ERMAP: variants seen among roughly 807,000 people sequenced by gnomAD.
The protein encoded by ERMAP is erythroblast membrane associated protein (Scianna blood group).
Under a neutral mutation model 49.5 loss-of-function variants are expected in ERMAP, and 34 were observed. The observed-to-expected ratio is 0.69, with a 90% CI of 0.52 to 0.91. The LOEUF is 0.91. ERMAP is among the 40% of genes least tolerant of loss of function. The probability of loss-of-function intolerance (pLI) is 0.00; values close to 1 mark genes in which losing one functional copy is unlikely to be tolerated. For missense variants in ERMAP, 541 were observed against 582.6 expected, an observed-to-expected ratio of 0.93 and a Z score of 0.74; for synonymous variants, 214 against 232.2, an observed-to-expected ratio of 0.92 and a Z score of 0.71.
Position 42,843,171 on chromosome 1 carries a change from T to A in ERMAP, c.1367T>A (p.Ile456Asn). The change falls in exon 12 of 12, where the codon ATC becomes AAC. Residue 456 changes from isoleucine to asparagine, a missense_variant. Ile to Asn is a moderately radical substitution (Grantham distance 149, BLOSUM62 -3). Coordinates refer to ENST00000372517, the MANE Select transcript of ERMAP (RefSeq NM_001017922.2). ...PPKAPELKDIILSLPPDLGPA... is the reference protein window; with the variant it reads ...PPKAPELKDINLSLPPDLGPA... ...AAGGCCCCAGAGCTGAAGGATATAA[T>A]CCTGTCCTTGCCCCCTGACCTTGGC... The A allele has an allele frequency of 6.2e-7, 1 of 1,613,458 alleles. No individual in the cohort carries two copies. The highest frequency in any genetic ancestry group is 8.5e-7 in the Non-Finnish European group (1 of 1,179,742).
rs182275112 is a variant in ERMAP at position 42,832,341 on chromosome 1, G to A, written c.433+1226G>A. 2.5e-3 allele frequency among the ~76,000 whole-genome samples: 375 copies of A among 150,126 alleles called. 2 individuals are homozygous for A. Among genetic ancestry groups the A allele is most frequent in the African/African-American group, 8.7e-3 (356 of 40,766 alleles). On this transcript the variant is annotated intron_variant, in intron 4 of 11. Coordinates refer to ENST00000372517, the MANE Select transcript of ERMAP (RefSeq NM_001017922.2). ...GAGTTAGCTGGGATTACTGGTGCCCGCCACCATGGCCAACTAATTTTTTTT... is the reference window on the plus strand; with the variant it reads ...GAGTTAGCTGGGATTACTGGTGCCCACCACCATGGCCAACTAATTTTTTTT...
chr1:42,823,738 T>C (rs536807553), intron 1 of ERMAP, among the ~76,000 whole-genome samples: 1 of 152,318 alleles, frequency 6.6e-6, no homozygotes, highest in African/African-American at 2.4e-5. Flanking sequence ...TTATGCATCC[T>C]TCCCATTTTG....
chr1:42,830,502 C>T lies in ERMAP; in HGVS notation c.54C>T (p.Leu18=), dbSNP rs33950227. 378,237 of 1,613,398 alleles carry T rather than the reference C, an allele frequency of 0.23. 47,097 individuals are homozygous for T. The highest frequency in any genetic ancestry group is 0.26 in the Admixed American group (15,451 of 60,006). Residue 18 remains leucine (L), a synonymous_variant, in exon 3 of 12, where the codon CTC becomes CTT. Transcript: ENST00000372517. ...GSWLSGCLIP[L]VFLRLSVHVS... ...GGCTCTCTGGCTGCCTCATCCCTCT[C>T]GTCTTCCTCCGGCTGTCTGTGCATG...
chr1:42,830,442 A>C lies in ERMAP; in HGVS notation c.-5-2A>C. On this transcript the variant is annotated splice_acceptor_variant, in intron 2 of 11. Transcript: ENST00000372517. LOFTEE classifies it low-confidence loss of function (5UTR_SPLICE). ...TGTGCTGTCTCCCTCTGTCTGTCCTAGTTCGGATGGAGATGGCGAGTTCTG... is the reference window on the plus strand; with the variant it reads ...TGTGCTGTCTCCCTCTGTCTGTCCTCGTTCGGATGGAGATGGCGAGTTCTG... 6.2e-7 allele frequency: 1 copy of C among 1,613,800 alleles called. No homozygotes were observed. Among genetic ancestry groups the C allele is most frequent in the Non-Finnish European group, 8.5e-7 (1 of 1,179,782 alleles).
At position 42,835,035 on chromosome 1, in the gene ERMAP, C is replaced by G; in HGVS notation, c.434-3C>G. ...GGTCAGTCGTTGGTGGTTTCTGTTT[C>G]AGCCCCATCTGTGGGGAGTCTCTCC... On this transcript the variant is annotated splice_region_variant and splice_polypyrimidine_tract_variant and intron_variant, in intron 4 of 11. Coordinates refer to ENST00000372517, the MANE Select transcript of ERMAP (RefSeq NM_001017922.2). 4.0e-6 allele frequency: 5 copies of G among 1,244,628 alleles called. No individual in the cohort carries two copies. In the East Asian group the frequency reaches 9.3e-5, roughly 23 times the overall value. The allele number at this position is 1,244,628 out of a possible 1,614,324, so 77.1% of individuals were successfully genotyped here.
chr1:42,819,748 G>A lies in ERMAP; in HGVS notation c.-122+2495G>A, dbSNP rs1332312582. ...GGCTGGTACTACAGATGTGAACCAG[G>A]TCATTTACCAGTGTCTTTTTTTTTT... On this transcript the variant is annotated intron_variant, in intron 1 of 11. Coordinates refer to ENST00000372517, the MANE Select transcript of ERMAP (RefSeq NM_001017922.2). The surrounding 1 kb of genome is among the most constrained non-coding windows in gnomAD (Gnocchi z 5.1). Among the ~76,000 whole-genome samples, 1 of 151,300 alleles carries A rather than the reference G, an allele frequency of 6.6e-6. No individual in the cohort carries two copies. The highest frequency in any genetic ancestry group is 1.5e-5 in the Non-Finnish European group (1 of 67,932).
At chr1:42,826,176 T>C (rs1042377257) in intron 2 of ERMAP, among the ~76,000 whole-genome samples, 1 of 151,892 alleles carries the variant, frequency 6.6e-6, no homozygotes, top group Admixed American at 6.5e-5. Context: ...GTTTCCAACA[T>C]GTGTAGTGGA....
Position 42,843,379 on chromosome 1 carries a change from C to A in ERMAP, c.*147C>A, listed in dbSNP as rs1227054717. The A allele has an allele frequency of 5.1e-6, 3 of 583,114 alleles. No individual in the cohort carries two copies. Among genetic ancestry groups the A allele is most frequent in the African/African-American group, 1.9e-5 (1 of 53,358 alleles). 36.1% of individuals were successfully genotyped at this position (583,114 alleles called of 1,614,324 possible). A position where few individuals can be genotyped will look rare whatever the true frequency, so the allele number is the denominator to read the frequency against. ...TGGTTTCTATTTGTACCACTTTTCT[C>A]CCAGGCCTCAGTTCTGAAGCTTACC... On this transcript the variant is annotated 3_prime_UTR_variant, in exon 12 of 12. Coordinates refer to ENST00000372517, the MANE Select transcript of ERMAP (RefSeq NM_001017922.2).
chr1:42,822,970 A>G (rs576366537), intron 1 of ERMAP, among the ~76,000 whole-genome samples: 1 of 152,310 alleles, frequency 6.6e-6, no homozygotes, highest in East Asian at 1.9e-4. Flanking sequence ...TTTAATGGCT[A>G]TAAATATTTT....
intron 6 of ERMAP, among the ~76,000 whole-genome samples, chr1:42,836,596 C>T (rs1654906082): frequency 2.0e-5 from 3 of 152,178 alleles, no homozygotes; most frequent in Admixed American, 2.0e-4. Context: ...TGGCTCACGC[C>T]TGTAATCCTA....
At chr1:42,821,990 G>C (rs1260051523) in intron 1 of ERMAP, among the ~76,000 whole-genome samples, 1 of 149,224 alleles carries the variant, frequency 6.7e-6, no homozygotes, top group Non-Finnish European at 1.5e-5. Context: ...TCCAGCCTGG[G>C]CAACAGAGCT....
chr1:42,830,692 A>G, intron 3 of ERMAP, 76 bp from the exon 4 acceptor site: 1 of 1,417,448 alleles, frequency 7.1e-7, no homozygotes, highest in Non-Finnish European at 9.5e-7. Flanking sequence ...CGTCCCCGGG[A>G]TATCCTCTTC....
chr1:42,826,615 TG>T (rs748283471), intron 2 of ERMAP, among the ~76,000 whole-genome samples: 1 of 152,058 alleles, frequency 6.6e-6, no homozygotes, highest in African/African-American at 2.4e-5. Context: ...CCCAACACTT[TG>T]GGGGGCCGAG....
intron 2 of ERMAP, 23 bp from the exon 3 acceptor site, chr1:42,830,421 C>T: frequency 6.2e-7 from 1 of 1,610,574 alleles, no homozygotes; most frequent in Non-Finnish European, 8.5e-7. Flanking sequence ...CCCGCTTGTG[C>T]TGTCTCCCTC....
intron 2 of ERMAP, among the ~76,000 whole-genome samples, chr1:42,829,185 G>A (rs980439830): frequency 6.6e-6 from 1 of 152,186 alleles, no homozygotes; most frequent in African/African-American, 2.4e-5. Flanking sequence ...CATTTGCTTA[G>A]AGGGGTATGT....
At chr1:42,834,847 T>G in intron 4 of ERMAP, 191 bp from the exon 5 acceptor site, 1 of 538,302 alleles carries the variant, frequency 1.9e-6, no homozygotes, top group Non-Finnish European at 3.3e-6. Flanking sequence ...GAGCCACCGT[T>G]CCCAGCCTCA....
chr1:42,824,880 C>G (rs1297699544), intron 1 of ERMAP: 1 of 152,116 alleles, frequency 6.6e-6, no homozygotes, highest in Non-Finnish European at 1.5e-5. Flanking sequence ...GACAGGCAAG[C>G]AGAAAAATGC....
Position 42,842,611 on chromosome 1 carries a change from A to G in ERMAP, c.807A>G (p.Val269=), listed in dbSNP as rs182900376. ...GGCTTGGAGACAGACGGCAGCCTGT[A>G]CCTGACAACCCCCAGAGATTTGATT... ...CVRLGDRRQP[V]PDNPQRFDFV... The change falls in exon 12 of 12, where the codon GTA becomes GTG. Residue 269 remains valine (V), a synonymous_variant. Coordinates refer to ENST00000372517, the MANE Select transcript of ERMAP (RefSeq NM_001017922.2). The G allele has an allele frequency of 6.2e-7, 1 of 1,614,188 alleles. No homozygotes were observed. Among genetic ancestry groups the G allele is most frequent in the South Asian group, 1.1e-5 (1 of 91,084 alleles).
chr1:42,828,421 A>G (rs905054241), intron 2 of ERMAP, among the ~76,000 whole-genome samples: 2 of 152,158 alleles, frequency 1.3e-5, no homozygotes, highest in Non-Finnish European at 2.9e-5. Flanking sequence ...TAACCTGTCT[A>G]AGGCCACCAG....
Sources: allele counts gnomAD v4.1 joint callset (sites outside exome capture counted in the v4.1 genomes callset), GRCh38; gene constraint gnomAD v4.1.1; non-coding constraint Gnocchi (gnomAD v3.1); transcripts MANE v1.5; gene names NCBI Gene and HGNC (gene_info 2026-07-23, HGNC 2026-07-21).